ZDHHC21: variants seen among roughly 807,000 people sequenced by gnomAD.
ZDHHC21 encodes the protein zDHHC palmitoyltransferase 21.
A neutral mutation model predicts 34.6 loss-of-function variants in ZDHHC21; 15 were observed. The ratio of observed to expected loss-of-function variants is 0.43; its 90% CI spans 0.29 to 0.67. The LOEUF (loss-of-function observed/expected upper bound fraction) is 0.67. ZDHHC21 is among the 30% of genes least tolerant of loss of function. The probability of loss-of-function intolerance (pLI) is 0.14; values close to 1 mark genes in which losing one functional copy is unlikely to be tolerated. For synonymous variants in ZDHHC21, 142 were observed against 101.8 expected, an observed-to-expected ratio of 1.40 and a Z score of -2.38; for missense variants, 344 against 327.7, an observed-to-expected ratio of 1.05 and a Z score of -0.38.
chr9:14,622,700 C>A, intron 8 of ZDHHC21: 1 of 985,248 alleles, frequency 1.0e-6, no homozygotes, highest in Non-Finnish European at 1.2e-6. Context: ...ACCTGACAAT[C>A]GCACATAAAG....
At chr9:14,647,591 C>G (rs1465012674) in intron 7 of ZDHHC21, among the ~76,000 whole-genome samples, 3 of 152,120 alleles carry the variant, frequency 2.0e-5, no homozygotes, top group African/African-American at 7.2e-5. Context: ...TTGGCCCAAC[C>G]ACCATGTCAT....
At chr9:14,637,720 C>T (rs190885215) in intron 8 of ZDHHC21, among the ~76,000 whole-genome samples, 83 of 152,004 alleles carry the variant, frequency 5.5e-4, no homozygotes, top group African/African-American at 2.0e-3. Context: ...ATCAGTAAAT[C>T]AGTAGCGTTT....
At chr9:14,637,472 A>C (rs557282820) in intron 8 of ZDHHC21, among the ~76,000 whole-genome samples, 11 of 152,208 alleles carry the variant, frequency 7.2e-5, no homozygotes, top group African/African-American at 2.6e-4. Context: ...AAGTGTTAAA[A>C]TAAGTAGAAC....
Position 14,613,438 on chromosome 9 carries a change from G to T in ZDHHC21, c.*5528C>A, listed in dbSNP as rs941190525. ...AATATCATCCAATGTATACTGGCAAGAATATATAGCTTGCAATACGCAGGT... is the reference window on the plus strand; with the variant it reads ...AATATCATCCAATGTATACTGGCAATAATATATAGCTTGCAATACGCAGGT... On this transcript the variant is annotated 3_prime_UTR_variant, in exon 10 of 10. Transcript: ENST00000380916. 1 of 151,722 alleles carries T rather than the reference G, an allele frequency of 6.6e-6. No individual in the cohort carries two copies. The highest frequency in any genetic ancestry group is 1.5e-5 in the Non-Finnish European group (1 of 67,778). The allele number at this position is 151,722 out of a possible 1,614,324, so 9.4% of individuals were successfully genotyped here. A position where few individuals can be genotyped will look rare whatever the true frequency, so the allele number is the denominator to read the frequency against.
Position 14,662,325 on chromosome 9 carries a change from T to C in ZDHHC21, c.255A>G (p.Glu85=). 2 of 1,600,570 alleles carry C rather than the reference T, an allele frequency of 1.2e-6. No individual in the cohort carries two copies. The highest frequency in any genetic ancestry group is 1.7e-6 in the Non-Finnish European group (2 of 1,175,166). The change falls in exon 6 of 10, where the codon GAA becomes GAG. Residue 85 remains glutamate (E), a splice_region_variant and synonymous_variant. Transcript: ENST00000380916. ...LPENPKIPHG[E]REFWELCNKC... The stretch of plus-strand genomic sequence containing the variant: ...TGTTACATAATTCCCAGAACTCCCT[T>C]TCTAAAGAAAAGAAATTAAAATCCA...
chr9:14,628,064 G>A lies in ZDHHC21; in HGVS notation c.622-8382C>T, dbSNP rs188414941. On this transcript the variant is annotated intron_variant, in intron 8 of 9. Transcript: ENST00000380916. Reference sequence around the variant, plus strand: ...TTCCAATATAAATTGTAGTAAAAACGCACAAAAACGTATATTTAAATCCTG... The same window carrying A: ...TTCCAATATAAATTGTAGTAAAAACACACAAAAACGTATATTTAAATCCTG... Among the ~76,000 whole-genome samples, 70 of 152,148 alleles carry A rather than the reference G, an allele frequency of 4.6e-4. No homozygotes were observed. The East Asian group carries it at 0.012, about 26-fold the overall frequency.
the ZDHHC21 span, among the ~76,000 whole-genome samples, chr9:14,596,259 A>C: frequency 6.6e-6 from 1 of 151,974 alleles, no homozygotes; most frequent in Admixed American, 6.6e-5. Context: ...AATGAGTATG[A>C]CCCCCCGTGT....
chr9:14,678,383 C>T (rs75552140), intron 3 of ZDHHC21, among the ~76,000 whole-genome samples: 7 of 151,642 alleles, frequency 4.6e-5, no homozygotes, highest in Admixed American at 3.3e-4. Context: ...AACACATGAC[C>T]GACAAGAGGC....
At chr9:14,658,954 G>T in intron 6 of ZDHHC21, 67 bp from the exon 7 acceptor site, 2 of 1,496,940 alleles carry the variant, frequency 1.3e-6, no homozygotes, top group Non-Finnish European at 1.8e-6. Context: ...GGATCAATAA[G>T]ACTAAATTAA....
At chr9:14,590,483 A>T in the ZDHHC21 span, among the ~76,000 whole-genome samples, 1 of 152,306 alleles carries the variant, frequency 6.6e-6, no homozygotes, top group East Asian at 1.9e-4. Flanking sequence ...AAAACCAGAG[A>T]TAATGGGACT....
At chr9:14,636,420 T>G (rs1307753217) in intron 8 of ZDHHC21, among the ~76,000 whole-genome samples, 1 of 152,092 alleles carries the variant, frequency 6.6e-6, no homozygotes, top group East Asian at 1.9e-4. Flanking sequence ...AACCAAGTAT[T>G]AGATTTAAAG....
chr9:14,596,274 T>C, the ZDHHC21 span, among the ~76,000 whole-genome samples: 1 of 152,216 alleles, frequency 6.6e-6, no homozygotes, highest in East Asian at 1.9e-4. Context: ...CCGTGTCTTT[T>C]CACCTCATCC....
chr9:14,647,496 G>C (rs1830459897), intron 7 of ZDHHC21, among the ~76,000 whole-genome samples: 1 of 151,974 alleles, frequency 6.6e-6, no homozygotes, highest in Non-Finnish European at 1.5e-5. Context: ...GTCACCTTAT[G>C]AATACCACAT....
chr9:14,682,657 G>T (rs895987427), intron 2 of ZDHHC21, among the ~76,000 whole-genome samples: 1 of 152,070 alleles, frequency 6.6e-6, no homozygotes. Flanking sequence ...GGATATCCAG[G>T]AATTAAACTC....
intron 5 of ZDHHC21, among the ~76,000 whole-genome samples, chr9:14,664,397 G>A (rs1299511885): frequency 1.3e-5 from 2 of 151,112 alleles, no homozygotes; most frequent in Non-Finnish European, 3.0e-5. Context: ...ACAGCAGTCT[G>A]AGATCAAACT....
chr9:14,590,686 T>C, the ZDHHC21 span, among the ~76,000 whole-genome samples: 1 of 152,034 alleles, frequency 6.6e-6, no homozygotes, highest in Admixed American at 6.6e-5. Flanking sequence ...GAAAAATTTT[T>C]CAGACAAACA....
chr9:14,644,760 C>A (rs1829993365), intron 7 of ZDHHC21, among the ~76,000 whole-genome samples: 1 of 151,518 alleles, frequency 6.6e-6, no homozygotes, highest in South Asian at 2.1e-4. Flanking sequence ...TATATATAAC[C>A]ACATTACATA....
intron 8 of ZDHHC21, among the ~76,000 whole-genome samples, chr9:14,623,665 G>T (rs537438253): frequency 7.0e-6 from 1 of 143,806 alleles, no homozygotes. Context: ...AAAAAAGAGA[G>T]AGAAAACAAA....
At chr9:14,599,208 C>T in the ZDHHC21 span, among the ~76,000 whole-genome samples, 1 of 152,314 alleles carries the variant, frequency 6.6e-6, no homozygotes, top group Non-Finnish European at 1.5e-5. Flanking sequence ...GAGATCAATG[C>T]AGAAGGCGGG....
Sources: gnomAD v4.1 joint callset for allele counts (sites outside exome capture counted in the v4.1 genomes callset) on GRCh38, gnomAD v4.1.1 for gene constraint, MANE v1.5 for transcripts, NCBI Gene and HGNC (gene_info 2026-07-23, HGNC 2026-07-21) for gene names.